The following ZNF384 variants were observed in gnomAD, a reference collection of about 807,000 sequenced individuals.
ZNF384 encodes the protein zinc finger protein 384.
A neutral mutation model predicts 65.0 loss-of-function variants in ZNF384; 20 were observed. The observed-to-expected ratio is 0.31, with a 90% CI of 0.22 to 0.45. The LOEUF (loss-of-function observed/expected upper bound fraction) is 0.45, where lower values mean the gene tolerates loss of function less well. ZNF384 is among the 20% of genes least tolerant of loss of function. The pLI is 1.00. For missense variants in ZNF384, 549 were observed against 769.4 expected, an observed-to-expected ratio of 0.71 and a Z score of 3.39; for synonymous variants, 310 against 303.9, an observed-to-expected ratio of 1.02 and a Z score of -0.21.
intron 2 of ZNF384, among the ~76,000 whole-genome samples, chr12:6,680,475 C>T (rs988023382): frequency 1.3e-5 from 2 of 151,844 alleles, no homozygotes; most frequent in South Asian, 2.1e-4. Flanking sequence ...ATGGTGAAAC[C>T]CCATCTCTAC....
At chr12:6,675,548 C>G (rs1348185202) in intron 7 of ZNF384, among the ~76,000 whole-genome samples, 1 of 152,142 alleles carries the variant, frequency 6.6e-6, no homozygotes, top group Admixed American at 6.5e-5. Flanking sequence ...AGAGAGTCCT[C>G]TAATGCAAGG....
At chr12:6,669,455 G>C (rs1950646993) in intron 10 of ZNF384, among the ~76,000 whole-genome samples, 1 of 151,936 alleles carries the variant, frequency 6.6e-6, no homozygotes, top group Admixed American at 6.6e-5. Context: ...GGGATCTTTA[G>C]GGAACACTAA....
intron 2 of ZNF384, among the ~76,000 whole-genome samples, chr12:6,686,697 T>C (rs1450708669): frequency 6.6e-6 from 1 of 152,170 alleles, no homozygotes; most frequent in Non-Finnish European, 1.5e-5. Context: ...TTGTAAGGCA[T>C]ATGGTGATGA....
At chr12:6,668,536 C>A (rs1950352192) in intron 11 of ZNF384, among the ~76,000 whole-genome samples, 1 of 151,796 alleles carries the variant, frequency 6.6e-6, no homozygotes, top group South Asian at 2.1e-4. Flanking sequence ...AACCCCATGT[C>A]TACTAAAAAT....
rs1952375256 is a variant in ZNF384 at position 6,673,590 on chromosome 12, A to G, written c.780-150T>C. 8 of 636,746 alleles carry G rather than the reference A, an allele frequency of 1.3e-5. No homozygotes were observed. Among genetic ancestry groups the G allele is most frequent in the Non-Finnish European group, 1.9e-5 (7 of 366,564 alleles). The allele number at this position is 636,746 out of a possible 1,614,324, so 39.4% of individuals were successfully genotyped here. A position where few individuals can be genotyped will look rare whatever the true frequency, so the allele number is the denominator to read the frequency against. ...CTCTATATATTCATCTTTATGGCCT[A>G]AGCTTCTAACATGGTGCCCAGCACA... is the stretch of plus-strand genomic sequence containing the variant. On this transcript the variant is annotated intron_variant, in intron 7 of 11. Coordinates refer to ENST00000683879, the MANE Select transcript of ZNF384 (RefSeq NM_001385745.1). This position sits in a 1 kb window ranked among gnomAD's most constrained non-coding sequence, Gnocchi z 4.7.
In ZNF384 at chr12:6,667,389, T is replaced by C. The variant is rs530578174; in HGVS notation, c.*325A>G. ...ATAAGGAGGGTAAGGATAGGGTAAG[T>C]GGCCACACTGGACAAGGTTCTATGA... On this transcript the variant is annotated 3_prime_UTR_variant, in exon 12 of 12. Transcript: ENST00000683879. The C allele has an allele frequency of 3.9e-5, 19 of 488,402 alleles. No homozygotes were observed. Among genetic ancestry groups the C allele is most frequent in the Non-Finnish European group, 3.4e-5 (9 of 266,006 alleles). The allele number at this position is 488,402 out of a possible 1,614,324, so 30.3% of individuals were successfully genotyped here.
intron 7 of ZNF384, among the ~76,000 whole-genome samples, chr12:6,675,990 A>G (rs920091686): frequency 5.3e-5 from 8 of 152,134 alleles, no homozygotes; most frequent in African/African-American, 1.9e-4. Context: ...ATCAAAACAG[A>G]AATTCACTGT....
chr12:6,686,354 A>G (rs1245883663), intron 2 of ZNF384, among the ~76,000 whole-genome samples: 2 of 152,168 alleles, frequency 1.3e-5, no homozygotes, highest in Non-Finnish European at 2.9e-5. Flanking sequence ...CCTGGGTTCA[A>G]GCAATTCTCC....
intron 10 of ZNF384, 65 bp from the exon 11 acceptor site, chr12:6,669,254 G>C (rs535454274): frequency 8.0e-6 from 12 of 1,491,276 alleles, no homozygotes; most frequent in Admixed American, 6.5e-5. Flanking sequence ...CCTTGACCTC[G>C]ATGGAAAGCA....
intron 9 of ZNF384, among the ~76,000 whole-genome samples, chr12:6,671,243 A>G (rs1033229709): frequency 6.6e-6 from 1 of 152,232 alleles, no homozygotes; most frequent in Non-Finnish European, 1.5e-5. Flanking sequence ...CAGTCCCCTC[A>G]GCCTTGAGCA....
In ZNF384 at chr12:6,673,139, G is replaced by A. The variant is rs1952155020; in HGVS notation, c.1004+77C>T. ...GTGAAAGGGAAAGAATAATACATGT[G>A]GAGAGAGGAGTAGGTGCAGGCAACA... On this transcript the variant is annotated intron_variant, in intron 8 of 11. Coordinates refer to ENST00000683879, the MANE Select transcript of ZNF384 (RefSeq NM_001385745.1). This position sits in a 1 kb window ranked among gnomAD's most constrained non-coding sequence, Gnocchi z 4.7. 1 of 1,302,516 alleles carries A rather than the reference G, an allele frequency of 7.7e-7. No individual in the cohort carries two copies. The highest frequency in any genetic ancestry group is 2.4e-5 in the East Asian group (1 of 41,436). The allele number at this position is 1,302,516 out of a possible 1,614,324, so 80.7% of individuals were successfully genotyped here.
intron 7 of ZNF384, among the ~76,000 whole-genome samples, chr12:6,676,066 G>A (rs141950953): frequency 0.024 from 3,715 of 152,274 alleles, 61 homozygotes; most frequent in Admixed American, 0.042. Flanking sequence ...CTGGGAGGCC[G>A]AGGCAGGCAG....
Position 6,667,820 on chromosome 12 carries a change from T to C in ZNF384, c.1721A>G (p.Gln574Arg), listed in dbSNP as rs1037292554. 31 of 1,614,168 alleles carry C rather than the reference T, an allele frequency of 1.9e-5. No homozygotes were observed. The highest frequency in any genetic ancestry group is 2.6e-5 in the Non-Finnish European group (31 of 1,180,026). ...GGDSNPNPPPQCSFDLTPYKT... is the reference protein window; with the variant it reads ...GGDSNPNPPPRCSFDLTPYKT... ...ATACGGGGTCAGGTCAAAGGAACAC[T>C]GGGGTGGAGGGTTGGGATTGCTGTC... is the stretch of plus-strand genomic sequence containing the variant. The change falls in exon 12 of 12, where the codon CAG becomes CGG. Residue 574 changes from glutamine (Q) to arginine (R), a missense_variant. Transcript: ENST00000683879.
chr12:6,687,392 G>A (rs1958317215), intron 2 of ZNF384, among the ~76,000 whole-genome samples: 1 of 152,034 alleles, frequency 6.6e-6, no homozygotes. Flanking sequence ...ATGGATCTGG[G>A]GAATGTGAGG....
chr12:6,673,113 G>A lies in ZNF384; in HGVS notation c.1004+103C>T, dbSNP rs1159860072. On this transcript the variant is annotated intron_variant, in intron 8 of 11. Coordinates refer to ENST00000683879, the MANE Select transcript of ZNF384 (RefSeq NM_001385745.1). The surrounding 1 kb of genome is among the most constrained non-coding windows in gnomAD (Gnocchi z 4.7). ...GAGGTTGAGGCTACCAATGGGCAAA[G>A]GTGAAAGGGAAAGAATAATACATGT... is the stretch of plus-strand genomic sequence containing the variant. The A allele has an allele frequency of 1.3e-5, 14 of 1,093,630 alleles. No homozygotes were observed. The highest frequency in any genetic ancestry group is 1.6e-5 in the Non-Finnish European group (12 of 754,138). The allele number at this position is 1,093,630 out of a possible 1,614,324, so 67.7% of individuals were successfully genotyped here. A position where few individuals can be genotyped will look rare whatever the true frequency, so the allele number is the denominator to read the frequency against.
Position 6,679,391 on chromosome 12 carries a change from A to G in ZNF384, c.66+64T>C, listed in dbSNP as rs958921809. ...GTAAAACAGCATGTGGTGTACCTTC[A>G]GTCTCCATAGTAACAGAACTTACTA... On this transcript the variant is annotated intron_variant, in intron 3 of 11. Transcript: ENST00000683879. The G allele has an allele frequency of 6.1e-6, 9 of 1,472,792 alleles. No individual in the cohort carries two copies. In the African/African-American group the frequency reaches 9.8e-5, roughly 16 times the overall value. 91.2% of individuals were successfully genotyped at this position (1,472,792 alleles called of 1,614,324 possible).
Position 6,667,230 on chromosome 12 carries a change from G to A in ZNF384, c.*484C>T. The A allele has an allele frequency of 3.3e-6, 1 of 299,742 alleles. No individual in the cohort carries two copies. Among genetic ancestry groups the A allele is most frequent in the Non-Finnish European group, 6.4e-6 (1 of 156,960 alleles). 18.6% of individuals were successfully genotyped at this position (299,742 alleles called of 1,614,324 possible). The stretch of plus-strand genomic sequence containing the variant: ...TGTAGGGGAAGAAATGGCTCTCAGG[G>A]ACTGAGGCATTTGAGAAACCTCTGT... On this transcript the variant is annotated 3_prime_UTR_variant, in exon 12 of 12. Coordinates refer to ENST00000683879, the MANE Select transcript of ZNF384 (RefSeq NM_001385745.1).
At position 6,689,278 on chromosome 12, in the gene ZNF384, C is replaced by T. The variant is rs1959124506; in HGVS notation, c.-246G>A. The T allele has an allele frequency of 6.5e-6, 1 of 152,790 alleles. No individual in the cohort carries two copies. The highest frequency in any genetic ancestry group is 2.4e-5 in the African/African-American group (1 of 41,478). The allele number at this position is 152,790 out of a possible 1,614,324, so 9.5% of individuals were successfully genotyped here. A position where few individuals can be genotyped will look rare whatever the true frequency, so the allele number is the denominator to read the frequency against. On this transcript the variant is annotated 5_prime_UTR_variant, in exon 1 of 12. It adds an upstream start codon to the 5' untranslated region. Transcript: ENST00000683879. ...GGAGCGAGACAGACCCACACACTCA[C>T]ACGCACGGAACGCGCGCGAGACACC...
Position 6,683,043 on chromosome 12 carries a change from C to A in ZNF384, c.-5-3518G>T, listed in dbSNP as rs2137199318. 1.3e-5 allele frequency among the ~76,000 whole-genome samples: 2 copies of A among 152,026 alleles called. 1 individual carries two copies. Among genetic ancestry groups the A allele is most frequent in the South Asian group, 4.2e-4 (2 of 4,804 alleles). ...TGGTGGCTCATGCCTGTAATTCCTGCACTTTGGGAGGCTGAGGCAGGTGGA... is the reference window on the plus strand; with the variant it reads ...TGGTGGCTCATGCCTGTAATTCCTGAACTTTGGGAGGCTGAGGCAGGTGGA... On this transcript the variant is annotated intron_variant, in intron 2 of 11. Coordinates refer to ENST00000683879, the MANE Select transcript of ZNF384 (RefSeq NM_001385745.1).
Sources: allele counts gnomAD v4.1 joint callset (sites outside exome capture counted in the v4.1 genomes callset), GRCh38; gene constraint gnomAD v4.1.1; non-coding constraint Gnocchi (gnomAD v3.1); transcripts MANE v1.5; gene names NCBI Gene and HGNC (gene_info 2026-07-23, HGNC 2026-07-21).